Variants in CELSR1 observed in about 807,000 individuals in gnomAD.
CELSR1 encodes cadherin EGF LAG seven-pass G-type receptor 1.
A neutral mutation model predicts 249.1 loss-of-function variants in CELSR1; 110 were observed. That is an observed-to-expected ratio of 0.44 (90% CI 0.38 to 0.52). The LOEUF (loss-of-function observed/expected upper bound fraction) is 0.52, where lower values mean the gene tolerates loss of function less well. Among genes scored for constraint, CELSR1 ranks in the 20% least tolerant of loss-of-function variants. CELSR1 has a pLI of 0.00. For synonymous variants in CELSR1, 2,113 were observed against 1,900.0 expected (o/e 1.11, Z -2.92); for missense variants, 4,109 against 4,296.4 (o/e 0.96, Z 1.22).
intron 1 of CELSR1, among the ~76,000 whole-genome samples, chr22:46,514,570 C>T (rs544325112): frequency 4.6e-5 from 7 of 152,258 alleles, no homozygotes; most frequent in African/African-American, 1.7e-4. Flanking sequence ...TGTGTATCAC[C>T]GCCAGACCCT....
intron 2 of CELSR1, among the ~76,000 whole-genome samples, chr22:46,449,535 C>T (rs2079858823): frequency 6.6e-6 from 1 of 152,166 alleles, no homozygotes; most frequent in Non-Finnish European, 1.5e-5. Context: ...ACTCAGCTGC[C>T]CACCTGTCCC....
rs990085426 is a variant in CELSR1 at position 46,506,450 on chromosome 22, C to G, written c.3544+27177G>C. On this transcript the variant is annotated intron_variant, in intron 1 of 34. Transcript: ENST00000674500. This position sits in a 1 kb window ranked among gnomAD's most constrained non-coding sequence, Gnocchi z 4.1. Reference sequence around the variant, plus strand: ...CCTGCAGGCCTCACACTAGGCCTCCCTTTGTGTATCACAGTCCAGCAAGAG... The same window carrying G: ...CCTGCAGGCCTCACACTAGGCCTCCGTTTGTGTATCACAGTCCAGCAAGAG... 1.3e-5 allele frequency among the ~76,000 whole-genome samples: 2 copies of G among 152,156 alleles called. No homozygotes were observed. Among genetic ancestry groups the G allele is most frequent in the African/African-American group, 2.4e-5 (1 of 41,436 alleles).
intron 2 of CELSR1, among the ~76,000 whole-genome samples, chr22:46,443,401 T>A (rs2079777955): frequency 6.6e-6 from 1 of 152,100 alleles, no homozygotes; most frequent in Non-Finnish European, 1.5e-5. Context: ...CAGAGGGGTT[T>A]CCCACCCCAC....
intron 1 of CELSR1, among the ~76,000 whole-genome samples, chr22:46,503,412 C>T (rs1451910826): frequency 6.6e-6 from 1 of 152,248 alleles, no homozygotes; most frequent in African/African-American, 2.4e-5. Flanking sequence ...ATCTCCCCTC[C>T]CTGCCATCCC....
At chr22:46,474,342 C>T (rs980220693) in intron 1 of CELSR1, among the ~76,000 whole-genome samples, 8 of 152,124 alleles carry the variant, frequency 5.3e-5, no homozygotes, top group African/African-American at 4.8e-5. Context: ...CAAGTCCACA[C>T]TCTGTAACCC....
In CELSR1 at chr22:46,374,814, C is replaced by A. The variant is rs1001849864; in HGVS notation, c.7585-1757G>T. On this transcript the variant is annotated intron_variant, in intron 24 of 34. Coordinates refer to ENST00000674500, the MANE Select transcript of CELSR1 (RefSeq NM_001378328.1). This position sits in a 1 kb window ranked among gnomAD's most constrained non-coding sequence, Gnocchi z 4.3. ...AACGTGCCCATTGCGGGGATGCGCCCGGCTGCGGATGTGAAGAAACCCCTC... is the reference window on the plus strand; with the variant it reads ...AACGTGCCCATTGCGGGGATGCGCCAGGCTGCGGATGTGAAGAAACCCCTC... 6.6e-6 allele frequency among the ~76,000 whole-genome samples: 1 copy of A among 152,156 alleles called. No individual in the cohort carries two copies. The highest frequency in any genetic ancestry group is 1.9e-4 in the East Asian group (1 of 5,190).
In CELSR1 at chr22:46,380,712, C is replaced by A; in HGVS notation, c.7256+76G>T. 3 of 1,530,802 alleles carry A rather than the reference C, an allele frequency of 2.0e-6. No homozygotes were observed. In the Admixed American group the frequency reaches 5.5e-5, roughly 28 times the overall value. The allele number at this position is 1,530,802 out of a possible 1,614,324, so 94.8% of individuals were successfully genotyped here. Reference sequence around the variant, plus strand: ...GAGACCGTCCTCTTGGGGCGCTCTGCCACTGAGCCCCCGACCCTGCGGGGG... The same window carrying A: ...GAGACCGTCCTCTTGGGGCGCTCTGACACTGAGCCCCCGACCCTGCGGGGG... On this transcript the variant is annotated intron_variant, in intron 22 of 34. Transcript: ENST00000674500. This position sits in a 1 kb window ranked among gnomAD's most constrained non-coding sequence, Gnocchi z 5.1.
chr22:46,373,430 AGCTTCACACCCAGTGCTCGGGGTT>A (rs2078878187), intron 24 of CELSR1, among the ~76,000 whole-genome samples: 1 of 129,702 alleles, frequency 7.7e-6, no homozygotes, highest in African/African-American at 2.9e-5. Flanking sequence ...GCGGGGGGGC[AGCTTCACACCCAGTGCTCGGGGTT>A]GGGGGGGCAG....
chr22:46,464,193 C>A lies in CELSR1; in HGVS notation c.3697G>T (p.Ala1233Ser), dbSNP rs200980049. 6.2e-7 allele frequency: 1 copy of A among 1,613,482 alleles called. No individual in the cohort carries two copies. Among genetic ancestry groups the A allele is most frequent in the Non-Finnish European group, 8.5e-7 (1 of 1,180,004 alleles). ...TCGTCCTTGGTGGTGGACAGCACGG[C>A]GGCCACCCCCTCCACGAAGAGGGCC... Reference protein sequence around the residue: ...LLALFVEGVAAVLSTTKDDVF... With the variant: ...LLALFVEGVASVLSTTKDDVF... Residue 1233 changes from alanine (A) to serine (S), a missense_variant, in exon 2 of 35, where the codon GCC (alanine) becomes TCC (serine). Physicochemically the swap from Ala to Ser is moderately conservative, Grantham distance 99. Coordinates refer to ENST00000674500, the MANE Select transcript of CELSR1 (RefSeq NM_001378328.1). The surrounding 1 kb of genome is among the most constrained non-coding windows in gnomAD (Gnocchi z 8.5).
At chr22:46,415,243 A>G (rs1335726414) in intron 5 of CELSR1, among the ~76,000 whole-genome samples, 3 of 152,080 alleles carry the variant, frequency 2.0e-5, no homozygotes, top group Non-Finnish European at 2.9e-5. Flanking sequence ...TCCGCCTCCC[A>G]GGTTCAAGCG....
At position 46,395,151 on chromosome 22, in the gene CELSR1, T is replaced by TGG. The variant is rs1456028714; in HGVS notation, c.5844-891_5844-890dup. ...AGACAACCAGGCCAGAGATAGAGTC[T>TGG]GGCGTTTATGGATGTGTGTGTGCAG... On this transcript the variant is annotated intron_variant, in intron 13 of 34. Coordinates refer to ENST00000674500, the MANE Select transcript of CELSR1 (RefSeq NM_001378328.1). This position sits in a 1 kb window ranked among gnomAD's most constrained non-coding sequence, Gnocchi z 5.5. Among the ~76,000 whole-genome samples, 3 of 152,030 alleles carry TGG rather than the reference T, an allele frequency of 2.0e-5. No individual in the cohort carries two copies. The highest frequency in any genetic ancestry group is 2.9e-5 in the Non-Finnish European group (2 of 68,010).
chr22:46,397,742 G>A lies in CELSR1; in HGVS notation c.5633C>T (p.Ser1878Leu), dbSNP rs559720952. The A allele has an allele frequency of 1.3e-5, 20 of 1,592,664 alleles. No individual in the cohort carries two copies. The highest frequency in any genetic ancestry group is 1.1e-4 in the African/African-American group (8 of 74,238). ...DGCDVDDPCTSSPCPPNSRCH... is the reference protein window; with the variant it reads ...DGCDVDDPCTLSPCPPNSRCH... Reference sequence around the variant, plus strand: ...GCGGCTATTGGGGGGACAGGGGCTCGAGGTACAGGGGTCGTCCACATCACA... The same window carrying A: ...GCGGCTATTGGGGGGACAGGGGCTCAAGGTACAGGGGTCGTCCACATCACA... The change falls in exon 12 of 35, where the codon TCG (serine) becomes TTG (leucine). Residue 1878 changes from serine to leucine, a missense_variant. Transcript: ENST00000674500.
In CELSR1 at chr22:46,518,640, G is replaced by A. The variant is rs550239992; in HGVS notation, c.3544+14987C>T. Among the ~76,000 whole-genome samples, 4 of 152,204 alleles carry A rather than the reference G, an allele frequency of 2.6e-5. No individual in the cohort carries two copies. The South Asian group carries it at 6.2e-4, about 24-fold the overall frequency. ...TATAAATTAAGATGGGGCCAGGCAC[G>A]GTGGCCCACGCCTGTAATCCGAGTG... On this transcript the variant is annotated intron_variant, in intron 1 of 34. Coordinates refer to ENST00000674500, the MANE Select transcript of CELSR1 (RefSeq NM_001378328.1). The surrounding 1 kb of genome is among the most constrained non-coding windows in gnomAD (Gnocchi z 5.2).
intron 1 of CELSR1, among the ~76,000 whole-genome samples, chr22:46,465,830 G>A (rs1318554420): frequency 2.0e-5 from 3 of 152,210 alleles, no homozygotes; most frequent in Non-Finnish European, 4.4e-5. Context: ...GGAAAACGGA[G>A]GCAGAAGCCA....
Position 46,364,081 on chromosome 22 carries a change from C to T in CELSR1, c.8950G>A (p.Gly2984Arg). 6.2e-7 allele frequency: 1 copy of T among 1,612,386 alleles called. No individual in the cohort carries two copies. Among genetic ancestry groups the T allele is most frequent in the Non-Finnish European group, 8.5e-7 (1 of 1,179,700 alleles). Reference protein sequence around the residue: ...PDCAITVKSPGREPGRDHLNG... With the variant: ...PDCAITVKSPRREPGRDHLNG... ...AGGTGGTCACGCCCCGGCTCCCTCCCAGGGCTCTTGACTGTGATGGCGCAG... is the reference window on the plus strand; with the variant it reads ...AGGTGGTCACGCCCCGGCTCCCTCCTAGGGCTCTTGACTGTGATGGCGCAG... Residue 2984 changes from glycine (G) to arginine (R), a missense_variant, in exon 34 of 35, where the codon GGG (glycine) becomes AGG (arginine). Gly to Arg is a moderately radical substitution (Grantham distance 125, BLOSUM62 -2). Coordinates refer to ENST00000674500, the MANE Select transcript of CELSR1 (RefSeq NM_001378328.1).
intron 1 of CELSR1, among the ~76,000 whole-genome samples, chr22:46,504,828 TCA>T (rs1208367671): frequency 1.3e-5 from 2 of 152,000 alleles, no homozygotes; most frequent in Admixed American, 6.6e-5. Flanking sequence ...CAAAAGTTAC[TCA>T]CACACACACA....
chr22:46,513,997 G>A (rs1259571217), intron 1 of CELSR1, among the ~76,000 whole-genome samples: 1 of 151,940 alleles, frequency 6.6e-6, no homozygotes, highest in East Asian at 1.9e-4. Context: ...GTCTCACCTT[G>A]TTGGCCAGGA....
rs1569098658 is a variant in CELSR1 at position 46,362,841 on chromosome 22, T to C, written c.*382A>G. 2.8e-6 allele frequency: 1 copy of C among 353,036 alleles called. No homozygotes were observed. The highest frequency in any genetic ancestry group is 5.2e-6 in the Non-Finnish European group (1 of 192,904). 21.9% of individuals were successfully genotyped at this position (353,036 alleles called of 1,614,324 possible). On this transcript the variant is annotated 3_prime_UTR_variant, in exon 35 of 35. Coordinates refer to ENST00000674500, the MANE Select transcript of CELSR1 (RefSeq NM_001378328.1). ...GCCTGGGCGGGGCTGGACCGCGGTCTTTGGTCTGTGCCCGGCGTTCCTGAA... is the reference window on the plus strand; with the variant it reads ...GCCTGGGCGGGGCTGGACCGCGGTCCTTGGTCTGTGCCCGGCGTTCCTGAA...
intron 1 of CELSR1, among the ~76,000 whole-genome samples, chr22:46,505,802 T>C (rs1234816943): frequency 6.6e-6 from 1 of 152,152 alleles, no homozygotes; most frequent in Non-Finnish European, 1.5e-5. Flanking sequence ...ATTTTTACAA[T>C]GATGTTTTAC....
Sources: gnomAD v4.1 joint callset for allele counts (sites outside exome capture counted in the v4.1 genomes callset) on GRCh38, gnomAD v4.1.1 for gene constraint, Gnocchi (gnomAD v3.1) non-coding constraint, MANE v1.5 for transcripts, NCBI Gene and HGNC (gene_info 2026-07-23, HGNC 2026-07-21) for gene names.